SUGCT: variants seen among roughly 807,000 people sequenced by gnomAD.
SUGCT encodes succinyl-CoA:glutarate CoA-transferase.
In SUGCT, 41 loss-of-function variants were observed where a neutral mutation model predicts 55.0. The observed-to-expected ratio is 0.74, with a 90% CI of 0.58 to 0.97. The LOEUF is 0.97. Ranked by LOEUF, SUGCT falls within the 50% of genes least tolerant of loss-of-function variation. SUGCT has a pLI of 0.00. For missense variants in SUGCT, 568 were observed against 547.8 expected (o/e 1.04, Z -0.37); for synonymous variants, 187 against 200.4 (o/e 0.93, Z 0.56).
intron 13 of SUGCT, among the ~76,000 whole-genome samples, chr7:40,820,022 C>T (rs1265759427): frequency 3.3e-5 from 5 of 152,074 alleles, no homozygotes; most frequent in African/African-American, 7.2e-5. Flanking sequence ...GGGAATCCTT[C>T]CCCCATTTCT....
At chr7:40,257,146 G>A (rs903515507) in intron 7 of SUGCT, among the ~76,000 whole-genome samples, 16 of 152,140 alleles carry the variant, frequency 1.1e-4, no homozygotes, top group African/African-American at 3.1e-4. Flanking sequence ...ATGGGTTTAA[G>A]CGATTCTCCT....
At chr7:40,962,532 A>C in the SUGCT span, among the ~76,000 whole-genome samples, 1 of 150,406 alleles carries the variant, frequency 6.6e-6, no homozygotes, top group Admixed American at 6.7e-5. Flanking sequence ...AAGAACCCTC[A>C]ACCCCTACTA....
At chr7:40,240,812 C>T (rs771900255) in intron 7 of SUGCT, among the ~76,000 whole-genome samples, 3 of 152,190 alleles carry the variant, frequency 2.0e-5, no homozygotes, top group Admixed American at 6.5e-5. Context: ...TCACCCTACG[C>T]GGTGGAGCCC....
At chr7:40,873,352 T>C in the SUGCT span, among the ~76,000 whole-genome samples, 1 of 152,230 alleles carries the variant, frequency 6.6e-6, no homozygotes, top group African/African-American at 2.4e-5. Context: ...TGGCCCTAAT[T>C]GTTGACTCTA....
At chr7:40,303,479 G>A (rs909286491) in intron 8 of SUGCT, among the ~76,000 whole-genome samples, 1 of 151,342 alleles carries the variant, frequency 6.6e-6, no homozygotes, top group African/African-American at 2.4e-5. Context: ...TCTCAGATTT[G>A]CCATTTCTTC....
chr7:40,659,828 TCTA>T (rs1378805498), intron 12 of SUGCT, among the ~76,000 whole-genome samples: 1 of 152,154 alleles, frequency 6.6e-6, no homozygotes, highest in Non-Finnish European at 1.5e-5. Context: ...TTAGATATAC[TCTA>T]CTACTCTACT....
intron 12 of SUGCT, among the ~76,000 whole-genome samples, chr7:40,511,147 A>T (rs1792905385): frequency 2.6e-5 from 4 of 152,160 alleles, no homozygotes; most frequent in Admixed American, 2.6e-4. Flanking sequence ...CTGTGGAAGA[A>T]TCTTATAGAC....
intron 9 of SUGCT, among the ~76,000 whole-genome samples, chr7:40,369,538 A>G (rs1004172887): frequency 2.6e-5 from 4 of 152,118 alleles, no homozygotes; most frequent in African/African-American, 9.7e-5. Flanking sequence ...GGAATATTAT[A>G]ATGGGCTGTT....
chr7:40,780,002 C>T (rs1349480351), intron 13 of SUGCT, among the ~76,000 whole-genome samples: 1 of 152,190 alleles, frequency 6.6e-6, no homozygotes, highest in African/African-American at 2.4e-5. Flanking sequence ...TCATCATACT[C>T]TCCTGTTGTT....
chr7:40,683,851 A>C (rs1784355976), intron 12 of SUGCT, among the ~76,000 whole-genome samples: 1 of 152,246 alleles, frequency 6.6e-6, no homozygotes, highest in Non-Finnish European at 1.5e-5. Flanking sequence ...GGCTTTAAAC[A>C]AAACAAATGT....
At chr7:40,862,894 C>T (rs184737257), downstream of SUGCT, among the ~76,000 whole-genome samples, 6 of 152,002 alleles carry the variant, frequency 3.9e-5, no homozygotes, top group African/African-American at 7.2e-5. Context: ...TTGGTGTGAG[C>T]GTGTGTTTGA....
the SUGCT span, among the ~76,000 whole-genome samples, chr7:41,013,676 A>G: frequency 2.0e-5 from 3 of 152,106 alleles, no homozygotes; most frequent in Non-Finnish European, 4.4e-5. Context: ...TAGGAGGGCA[A>G]ATATTGTGAC....
At chr7:40,319,019 T>C (rs1419215868) in intron 9 of SUGCT, among the ~76,000 whole-genome samples, 3 of 152,204 alleles carry the variant, frequency 2.0e-5, no homozygotes, top group Non-Finnish European at 2.9e-5. Context: ...GGCTTTTATT[T>C]TGGAAAGTAA....
chr7:40,984,849 G>A, the SUGCT span, among the ~76,000 whole-genome samples: 3 of 152,222 alleles, frequency 2.0e-5, no homozygotes, highest in East Asian at 1.9e-4. Flanking sequence ...CACTAAGTTA[G>A]GTCCCTGAAA....
the SUGCT span, among the ~76,000 whole-genome samples, chr7:41,018,885 A>G: frequency 6.6e-6 from 1 of 151,416 alleles, no homozygotes; most frequent in Non-Finnish European, 1.5e-5. Context: ...TATAAACAAC[A>G]TTTATATGAT....
At chr7:40,551,237 T>G (rs772010753) in intron 12 of SUGCT, among the ~76,000 whole-genome samples, 29 of 152,202 alleles carry the variant, frequency 1.9e-4, no homozygotes, top group Admixed American at 7.2e-4. Context: ...TAGTGACGGT[T>G]TTGGCCTTTG....
chr7:40,404,743 T>G (rs1218232293), intron 9 of SUGCT, among the ~76,000 whole-genome samples: 2 of 152,156 alleles, frequency 1.3e-5, no homozygotes, highest in African/African-American at 2.4e-5. Flanking sequence ...AGACTCCACT[T>G]GAATTTGTTG....
In SUGCT at chr7:40,531,759, C is replaced by T. The variant is rs572212855; in HGVS notation, c.1089+35373C>T. Among the ~76,000 whole-genome samples the T allele has an allele frequency of 1.5e-3, 232 of 152,164 alleles. 1 individual carries two copies. The highest frequency in any genetic ancestry group is 5.2e-3 in the African/African-American group (218 of 41,542). ...CACGATCTCGGCTCACTGTAAGCTC[C>T]GCTTCCCGGGTTCCCGCCATTCTTC... On this transcript the variant is annotated intron_variant, in intron 12 of 13. Coordinates refer to ENST00000335693, the MANE Select transcript of SUGCT (RefSeq NM_001193313.2).
At chr7:40,459,013 G>A (rs1789639407) in intron 10 of SUGCT, 88 bp from the exon 11 acceptor site, 4 of 768,588 alleles carry the variant, frequency 5.2e-6, no homozygotes, top group Non-Finnish European at 8.8e-6. Context: ...TTCTTGAGAA[G>A]GGAGAGATAG....
Sources: gnomAD v4.1 joint callset for allele counts (sites outside exome capture counted in the v4.1 genomes callset) on GRCh38, gnomAD v4.1.1 for gene constraint, MANE v1.5 for transcripts, NCBI Gene and HGNC (gene_info 2026-07-23, HGNC 2026-07-21) for gene names.